The following PCBP3 variants were observed in gnomAD, a reference collection of about 807,000 sequenced individuals.
PCBP3 encodes poly(rC)-binding protein 3.
PCBP3 carries 25 observed loss-of-function variants against 52.7 expected under a neutral mutation model. That is an observed-to-expected ratio of 0.47 (90% CI 0.35 to 0.66). PCBP3 has a LOEUF of 0.66. Ranked by LOEUF, PCBP3 falls within the 30% of genes least tolerant of loss-of-function variation. The pLI is 0.01. For missense variants in PCBP3, 391 were observed against 490.3 expected, an observed-to-expected ratio of 0.80 and a Z score of 1.91; for synonymous variants, 162 against 183.0, an observed-to-expected ratio of 0.89 and a Z score of 0.93.
intron 9 of PCBP3, among the ~76,000 whole-genome samples, chr21:45,903,037 A>G (rs2839042): frequency 0.33 from 50,157 of 152,050 alleles, 9,205 homozygotes; most frequent in East Asian, 0.68. Context: ...CCAGCTGTGG[A>G]GATTATAGAA....
At chr21:45,810,294 C>T (rs2092648491) in intron 4 of PCBP3, among the ~76,000 whole-genome samples, 1 of 151,104 alleles carries the variant, frequency 6.6e-6, no homozygotes, top group Non-Finnish European at 1.5e-5. Context: ...GGCTGGAGTG[C>T]AGTGGCACGA....
At chr21:45,688,875 AC>A (rs537283901) in intron 2 of PCBP3, among the ~76,000 whole-genome samples, 42 of 151,804 alleles carry the variant, frequency 2.8e-4, no homozygotes, top group African/African-American at 7.7e-4. Flanking sequence ...TAAAAAAAAA[AC>A]AACAACAAAA....
chr21:45,650,772 G>A (rs540518953), intron 1 of PCBP3, among the ~76,000 whole-genome samples: 4 of 152,126 alleles, frequency 2.6e-5, no homozygotes, highest in Admixed American at 6.5e-5. Context: ...TGGCAAAATC[G>A]ATTCTTAAAT....
chr21:45,673,730 C>T (rs914068080), intron 2 of PCBP3: 6 of 152,140 alleles, frequency 3.9e-5, no homozygotes, highest in African/African-American at 7.2e-5. Context: ...GAAGTACTTT[C>T]GGAAGGTAAA....
chr21:45,843,855 T>G (rs1212869818), intron 4 of PCBP3, among the ~76,000 whole-genome samples: 3 of 152,212 alleles, frequency 2.0e-5, no homozygotes, highest in Non-Finnish European at 2.9e-5. Flanking sequence ...GTACAGGGTT[T>G]TATATACACA....
At chr21:45,684,722 A>T (rs947530749) in intron 2 of PCBP3, among the ~76,000 whole-genome samples, 1 of 152,224 alleles carries the variant, frequency 6.6e-6, no homozygotes, top group African/African-American at 2.4e-5. Flanking sequence ...CAGCCCGCAG[A>T]GCCATGAGCC....
chr21:45,678,315 A>T (rs35851007), intron 2 of PCBP3, among the ~76,000 whole-genome samples: 11,321 of 151,564 alleles, frequency 0.075, 574 homozygotes, highest in African/African-American at 0.13. Flanking sequence ...CAAAAAAAAA[A>T]AAAAATAATA....
At chr21:45,751,276 C>T (rs2087470704) in intron 3 of PCBP3, among the ~76,000 whole-genome samples, 1 of 152,172 alleles carries the variant, frequency 6.6e-6, no homozygotes, top group Non-Finnish European at 1.5e-5. Flanking sequence ...TTTTCTTTCT[C>T]ACCTAAAATA....
At chr21:45,896,470 A>G in intron 6 of PCBP3, 108 bp downstream of exon 6, 1 of 1,079,088 alleles carries the variant, frequency 9.3e-7, no homozygotes, top group Non-Finnish European at 1.3e-6. Context: ...CATGGCACAT[A>G]GAACCGGAGA....
chr21:45,682,767 A>G (rs544141172), intron 2 of PCBP3, among the ~76,000 whole-genome samples: 2 of 152,274 alleles, frequency 1.3e-5, no homozygotes, highest in South Asian at 4.1e-4. Context: ...TGATTGTATT[A>G]TGTTTTTCAA....
At chr21:45,878,113 GTC>G (rs1284814036) in intron 5 of PCBP3, among the ~76,000 whole-genome samples, 1 of 152,256 alleles carries the variant, frequency 6.6e-6, no homozygotes, top group Non-Finnish European at 1.5e-5. Context: ...CCACCTTCCA[GTC>G]TCTCCCATCC....
intron 4 of PCBP3, among the ~76,000 whole-genome samples, chr21:45,780,069 T>G (rs1476196499): frequency 6.6e-6 from 1 of 152,020 alleles, no homozygotes; most frequent in Non-Finnish European, 1.5e-5. Flanking sequence ...TATATCCATG[T>G]GAAAAAAAAA....
chr21:45,676,053 T>C (rs1480620104), intron 2 of PCBP3, among the ~76,000 whole-genome samples: 3 of 152,210 alleles, frequency 2.0e-5, no homozygotes, highest in Non-Finnish European at 4.4e-5. Flanking sequence ...ACAATGATTG[T>C]TTGAGGAAAA....
intron 2 of PCBP3, among the ~76,000 whole-genome samples, chr21:45,694,651 G>T (rs923912286): frequency 2.0e-5 from 3 of 152,168 alleles, no homozygotes; most frequent in Admixed American, 1.3e-4. Flanking sequence ...ACTGAAATTT[G>T]TAAATAAATT....
chr21:45,885,637 C>T (rs1422203245), intron 5 of PCBP3, among the ~76,000 whole-genome samples: 2 of 152,078 alleles, frequency 1.3e-5, no homozygotes, highest in South Asian at 2.1e-4. Flanking sequence ...CTCACAGCTC[C>T]CTGCTTCTCT....
intron 2 of PCBP3, among the ~76,000 whole-genome samples, chr21:45,692,684 G>A (rs1480135320): frequency 6.6e-6 from 1 of 152,026 alleles, no homozygotes; most frequent in Non-Finnish European, 1.5e-5. Context: ...GGCTACACTG[G>A]TTCATTCTAC....
chr21:45,854,361 C>G (rs2094181717), intron 5 of PCBP3, among the ~76,000 whole-genome samples: 1 of 152,184 alleles, frequency 6.6e-6, no homozygotes, highest in Non-Finnish European at 1.5e-5. Context: ...GCCATCACCA[C>G]CATTATCTCC....
chr21:45,784,931 G>A (rs2090989228), intron 4 of PCBP3, among the ~76,000 whole-genome samples: 2 of 151,936 alleles, frequency 1.3e-5, no homozygotes, highest in South Asian at 4.2e-4. Context: ...CATCGTCTGG[G>A]ATGTGAGGAG....
chr21:45,687,358 A>G (rs2082213941), intron 2 of PCBP3, among the ~76,000 whole-genome samples: 1 of 152,212 alleles, frequency 6.6e-6, no homozygotes, highest in African/African-American at 2.4e-5. Context: ...AGGAATTAAA[A>G]TGATATAGGT....
Sources: gnomAD v4.1 joint callset for allele counts (sites outside exome capture counted in the v4.1 genomes callset) on GRCh38, gnomAD v4.1.1 for gene constraint, MANE v1.5 for transcripts, NCBI Gene and HGNC (gene_info 2026-07-23, HGNC 2026-07-21) for gene names.